NR1H4: variants seen among roughly 807,000 people sequenced by gnomAD.
NR1H4 encodes the protein bile acid receptor.
In NR1H4, 23 loss-of-function variants were observed where a neutral mutation model predicts 58.5. The observed-to-expected ratio is 0.39, with a 90% CI of 0.28 to 0.56. NR1H4 has a LOEUF of 0.56. Ranked by LOEUF, NR1H4 falls within the 20% of genes least tolerant of loss-of-function variation. NR1H4 has a pLI of 0.58. For missense variants in NR1H4, 487 were observed against 576.9 expected, an observed-to-expected ratio of 0.84 and a Z score of 1.60; for synonymous variants, 214 against 198.0, an observed-to-expected ratio of 1.08 and a Z score of -0.68.
At chr12:100,475,124 C>CGTATCTAT (rs149156136) in intron 1 of NR1H4, among the ~76,000 whole-genome samples, 4 of 143,086 alleles carry the variant, frequency 2.8e-5, no homozygotes, top group Non-Finnish European at 4.5e-5. Context: ...AAGTGGTTTA[C>CGTATCTAT]CTATCTATCT....
chr12:100,499,735 A>G (rs1445351694), intron 3 of NR1H4: 1 of 407,610 alleles, frequency 2.5e-6, no homozygotes, highest in African/African-American at 2.1e-5. Flanking sequence ...CATATTGCAA[A>G]TATATTAACT....
rs754272553 is a variant in NR1H4, at chr12:100,535,017, A to G, written c.726A>G (p.Ser242=). The part of the protein sequence containing the change: ...DLRQVTSTTK[S]CREKTELTPD... ...GACAAGTGACCTCGACAACAAAGTC[A>G]TGCAGGGTAATAATATGCAATGGTG... Residue 242 remains serine, a synonymous_variant, in exon 6 of 11, where the codon TCA becomes TCG. Transcript: ENST00000392986. 6.2e-7 allele frequency: 1 copy of G among 1,614,224 alleles called. No individual in the cohort carries two copies. Among genetic ancestry groups the G allele is most frequent in the South Asian group, 1.1e-5 (1 of 91,084 alleles).
intron 9 of NR1H4, among the ~76,000 whole-genome samples, chr12:100,559,100 A>C (rs1035394876): frequency 6.6e-6 from 1 of 152,224 alleles, no homozygotes; most frequent in Non-Finnish European, 1.5e-5. Flanking sequence ...AAGAAAATTA[A>C]AACTATATGC....
chr12:100,517,328 C>T (rs991260399), intron 4 of NR1H4, among the ~76,000 whole-genome samples: 2 of 152,230 alleles, frequency 1.3e-5, no homozygotes, highest in Non-Finnish European at 2.9e-5. Context: ...TAATATCCTC[C>T]GGGCTCATCC....
In NR1H4 at chr12:100,563,489, A is replaced by T; in HGVS notation, c.1431A>T (p.Ter477CysextTer16). ...TCTGTGAAATCTGGGACGTGCAGTG[A>T]TGGGGATTACAGGGGAGGGGTCTAG... ...PLLCEIWDVQ[*>C] The change falls in exon 11 of 11, where the codon TGA becomes TGT. Residue 477 changes from the stop codon to cysteine (C), a stop_lost. Coordinates refer to ENST00000392986, the MANE Select transcript of NR1H4 (RefSeq NM_001206979.2). The T allele has an allele frequency of 6.2e-7, 1 of 1,611,202 alleles. No individual in the cohort carries two copies. Among genetic ancestry groups the T allele is most frequent in the Non-Finnish European group, 8.5e-7 (1 of 1,177,306 alleles).
chr12:100,561,637 CAA>C (rs1955477074), intron 9 of NR1H4, among the ~76,000 whole-genome samples: 1 of 152,104 alleles, frequency 6.6e-6, no homozygotes, highest in African/African-American at 2.4e-5. Context: ...GTGACTGAAA[CAA>C]AGACACTGAC....
intron 9 of NR1H4, among the ~76,000 whole-genome samples, chr12:100,555,185 T>A (rs1390542538): frequency 6.6e-6 from 1 of 152,232 alleles, no homozygotes; most frequent in Non-Finnish European, 1.5e-5. Flanking sequence ...AATTTTAATA[T>A]TTTCAAATCA....
intron 9 of NR1H4, among the ~76,000 whole-genome samples, chr12:100,558,349 CAAAAAA>C (rs10617220): frequency 2.6e-4 from 21 of 79,952 alleles, no homozygotes; most frequent in African/African-American, 8.2e-4. Flanking sequence ...GATTCCATCT[CAAAAAA>C]AAAAAAAAAA....
intron 4 of NR1H4, among the ~76,000 whole-genome samples, chr12:100,524,418 G>A (rs780774025): frequency 7.9e-5 from 12 of 152,094 alleles, no homozygotes; most frequent in African/African-American, 2.9e-4. Flanking sequence ...ACCAGGTGCC[G>A]GTCACTGTGG....
At chr12:100,486,135 CTGAG>C (rs967402234) in intron 1 of NR1H4, among the ~76,000 whole-genome samples, 1 of 152,074 alleles carries the variant, frequency 6.6e-6, no homozygotes, top group African/African-American at 2.4e-5. Flanking sequence ...GGAGGAGGTG[CTGAG>C]TGAGTAGTTC....
chr12:100,546,676 C>CAT (rs760306406), intron 9 of NR1H4, among the ~76,000 whole-genome samples: 1 of 152,060 alleles, frequency 6.6e-6, no homozygotes, highest in Non-Finnish European at 1.5e-5. Flanking sequence ...GCCTGGGTGA[C>CAT]AGAGTGAGAC....
intron 3 of NR1H4, among the ~76,000 whole-genome samples, chr12:100,506,633 C>T (rs928896172): frequency 7.2e-5 from 11 of 152,104 alleles, no homozygotes; most frequent in South Asian, 2.1e-4. Flanking sequence ...CTCAGCCTCC[C>T]GAGTGGCTGG....
chr12:100,554,287 T>G (rs1174163488), intron 9 of NR1H4, among the ~76,000 whole-genome samples: 1 of 152,184 alleles, frequency 6.6e-6, no homozygotes, highest in East Asian at 1.9e-4. Context: ...AGTATCATTT[T>G]TAACCAGATG....
At chr12:100,545,670 C>A (rs11830097) in intron 9 of NR1H4, among the ~76,000 whole-genome samples, 80,249 of 86,588 alleles carry the variant, frequency 0.93, 37,027 homozygotes, top group Middle Eastern at 0.99. Flanking sequence ...AAAAAAAAAA[C>A]CAAACGGGGG....
intron 9 of NR1H4, among the ~76,000 whole-genome samples, chr12:100,541,139 A>G (rs75973194): frequency 0.01 from 1,554 of 152,348 alleles, 19 homozygotes; most frequent in African/African-American, 0.035. Flanking sequence ...TTCAGCCAAG[A>G]AAAAGATTAT....
chr12:100,542,915 T>C (rs1429260524), intron 9 of NR1H4, among the ~76,000 whole-genome samples: 1 of 151,296 alleles, frequency 6.6e-6, no homozygotes, highest in Non-Finnish European at 1.5e-5. Context: ...CAAGGTACTA[T>C]GGTAGCAGTG....
intron 3 of NR1H4, among the ~76,000 whole-genome samples, chr12:100,506,040 CACAG>C (rs1229152061): frequency 1.8e-3 from 230 of 131,364 alleles, no homozygotes; most frequent in African/African-American, 6.9e-3. Flanking sequence ...CACACACACA[CACAG>C]AGAGAGAGAG....
intron 1 of NR1H4, among the ~76,000 whole-genome samples, chr12:100,482,457 T>C (rs1953402298): frequency 6.6e-6 from 1 of 152,224 alleles, no homozygotes; most frequent in South Asian, 2.1e-4. Flanking sequence ...CTTTATTTAT[T>C]CATGCAACCA....
chr12:100,544,407 G>T (rs1257831437), intron 9 of NR1H4, among the ~76,000 whole-genome samples: 1 of 152,140 alleles, frequency 6.6e-6, no homozygotes, highest in African/African-American at 2.4e-5. Flanking sequence ...TCAAGAGACA[G>T]TGGTGATTAA....
Sources: gnomAD v4.1 joint callset for allele counts (sites outside exome capture counted in the v4.1 genomes callset) on GRCh38, gnomAD v4.1.1 for gene constraint, MANE v1.5 for transcripts, NCBI Gene and HGNC (gene_info 2026-07-23, HGNC 2026-07-21) for gene names.